JADE3: variants seen among roughly 807,000 people sequenced by gnomAD.
JADE3 encodes protein Jade-3.
In JADE3, 2 loss-of-function variants were observed where a neutral mutation model predicts 50.1. The ratio of observed to expected loss-of-function variants is 0.04; its 90% CI spans 0.02 to 0.13. The LOEUF (loss-of-function observed/expected upper bound fraction) is 0.13, where lower values mean the gene tolerates loss of function less well. Ranked by LOEUF, JADE3 falls within the 10% of genes least tolerant of loss-of-function variation. The pLI is 1.00. For missense variants in JADE3, 475 were observed against 634.4 expected (o/e 0.75, Z 2.70); for synonymous variants, 218 against 232.9 (o/e 0.94, Z 0.58).
At chrX:46,948,279 C>T (rs980290542) in intron 1 of JADE3, among the ~76,000 whole-genome samples, 2 of 111,593 alleles carry the variant, frequency 1.8e-5, no homozygotes, top group Non-Finnish European at 3.8e-5. Context: ...GGAAGGAGCA[C>T]GCAAAGGAAT....
intron 1 of JADE3, among the ~76,000 whole-genome samples, chrX:46,981,962 G>A (rs1159504155): frequency 1.8e-5 from 2 of 111,128 alleles, no homozygotes; most frequent in African/African-American, 6.5e-5. Flanking sequence ...TCTCTTTCTG[G>A]ATCTCTTTGC....
chrX:47,011,467 T>A (rs782460420), intron 4 of JADE3, among the ~76,000 whole-genome samples: 44 of 112,181 alleles, frequency 3.9e-4, no homozygotes, highest in East Asian at 2.0e-3. Flanking sequence ...AGTTTTTTTT[T>A]AAATTTTAAT....
At chrX:46,932,204 T>C (rs1484666740) in intron 1 of JADE3, among the ~76,000 whole-genome samples, 2 of 112,150 alleles carry the variant, frequency 1.8e-5, no homozygotes, top group Non-Finnish European at 3.8e-5. Context: ...TACTGGAGCA[T>C]TGGCTGACGG....
chrX:46,931,421 AT>A lies in JADE3; in HGVS notation c.-12+18715del, dbSNP rs536946449. On this transcript the variant is annotated intron_variant, in intron 1 of 10. Transcript: ENST00000614628. Reference sequence around the variant, plus strand: ...AAAGGGTAAATTAGAGTATATGTAAATTTTTTTTTTTTTATTTGAGACAGAG... The same window carrying A: ...AAAGGGTAAATTAGAGTATATGTAAATTTTTTTTTTTTATTTGAGACAGAG... Among the ~76,000 whole-genome samples the A allele has an allele frequency of 1.9e-3, 195 of 105,388 alleles. 1 individual carries two copies. Among genetic ancestry groups the A allele is most frequent in the African/African-American group, 5.2e-3 (152 of 29,303 alleles). The allele number at this position is 105,388 out of a possible 115,157, so 91.5% of individuals were successfully genotyped here.
Position 47,059,267 on chromosome X carries a change from T to C in JADE3, c.*190T>C. On this transcript the variant is annotated 3_prime_UTR_variant, in exon 11 of 11. Coordinates refer to ENST00000614628, the MANE Select transcript of JADE3 (RefSeq NM_014735.5). ...GTTTTTACAAGCACATTACAGTAAT[T>C]GCAGGTTGTCCAGAGGTTGGTTTGT... is the stretch of plus-strand genomic sequence containing the variant. The C allele has an allele frequency of 2.5e-6, 1 of 404,317 alleles. No individual in the cohort carries two copies. Among genetic ancestry groups the C allele is most frequent in the Non-Finnish European group, 4.2e-6 (1 of 238,639 alleles). 33.3% of individuals were successfully genotyped at this position (404,317 alleles called of 1,213,427 possible).
At position 47,038,981 on chromosome X, in the gene JADE3, G is replaced by A. The variant is rs782497823; in HGVS notation, c.888G>A (p.Pro296=). Reference sequence around the variant, plus strand: ...TTGCTTGTCCTGAGAGGATGGAACCGATCACGAAGATCTCCCACATCCCAC... The same window carrying A: ...TTGCTTGTCCTGAGAGGATGGAACCAATCACGAAGATCTCCCACATCCCAC... ...VSIACPERME[P]ITKISHIPPS... is the part of the protein sequence containing the mutation. Residue 296 remains proline (P), a synonymous_variant, in exon 8 of 11, where the codon CCG becomes CCA. Coordinates refer to ENST00000614628, the MANE Select transcript of JADE3 (RefSeq NM_014735.5). The A allele has an allele frequency of 8.4e-6, 10 of 1,195,600 alleles. No individual in the cohort carries two copies. The highest frequency in any genetic ancestry group is 6.6e-5 in the Admixed American group (3 of 45,386).
intron 8 of JADE3, among the ~76,000 whole-genome samples, chrX:47,040,754 T>C (rs1035359213): frequency 1.8e-5 from 2 of 111,239 alleles, no homozygotes; most frequent in African/African-American, 3.3e-5. Flanking sequence ...CTCTAGGTGC[T>C]TTGTGACATT....
rs782635111 is a variant in JADE3 at position 47,023,537 on chromosome X, A to T, written c.285-1187A>T. Among the ~76,000 whole-genome samples the T allele has an allele frequency of 5.6e-4, 63 of 111,680 alleles. No homozygotes were observed. In the Admixed American group the frequency reaches 6.0e-3, roughly 11 times the overall value. ...ATTGATGGGCATTTAGGTTAATTCC[A>T]TGTCTTTGCTAGATATTATTTTTAT... On this transcript the variant is annotated intron_variant, in intron 4 of 10. Coordinates refer to ENST00000614628, the MANE Select transcript of JADE3 (RefSeq NM_014735.5).
At chrX:46,972,009 A>AT (rs782674515) in intron 1 of JADE3, among the ~76,000 whole-genome samples, 4 of 109,968 alleles carry the variant, frequency 3.6e-5, no homozygotes, top group Admixed American at 9.8e-5. Context: ...TTCAGTAAAC[A>AT]TTTTTTTTAG....
chrX:46,996,776 C>T (rs1928138334), intron 3 of JADE3, among the ~76,000 whole-genome samples: 1 of 112,210 alleles, frequency 8.9e-6, no homozygotes, highest in African/African-American at 3.2e-5. Context: ...ATGATATCTT[C>T]ACCTGAAGAT....
At chrX:46,985,439 T>C (rs1445069337) in intron 2 of JADE3, among the ~76,000 whole-genome samples, 1 of 112,300 alleles carries the variant, frequency 8.9e-6, no homozygotes, top group Admixed American at 9.4e-5. Flanking sequence ...ATTGTGTTAT[T>C]GCAGAACATT....
intron 8 of JADE3, among the ~76,000 whole-genome samples, chrX:47,045,766 A>G (rs1276971046): frequency 9.0e-6 from 1 of 111,553 alleles, no homozygotes; most frequent in Non-Finnish European, 1.9e-5. Flanking sequence ...AAACACTTAG[A>G]AATTAAACAA....
At chrX:46,928,694 C>T (rs782798864) in intron 1 of JADE3, among the ~76,000 whole-genome samples, 1 of 112,082 alleles carries the variant, frequency 8.9e-6, no homozygotes, top group Non-Finnish European at 1.9e-5. Flanking sequence ...AGCAATTGTT[C>T]TACCTCAGCT....
chrX:46,971,794 T>TA lies in JADE3; in HGVS notation c.-11-13074dup, dbSNP rs782105404. ...CTGGGCGACAGAGCGAGACTCCGTC[T>TA]AAAAAAAAAAAAAAAAGACATAAAG... On this transcript the variant is annotated intron_variant, in intron 1 of 10. Coordinates refer to ENST00000614628, the MANE Select transcript of JADE3 (RefSeq NM_014735.5). 4.8e-3 allele frequency among the ~76,000 whole-genome samples: 408 copies of TA among 85,499 alleles called. 1 individual carries two copies. Among genetic ancestry groups the TA allele is most frequent in the African/African-American group, 0.013 (303 of 23,108 alleles). The allele number at this position is 85,499 out of a possible 115,157, so 74.2% of individuals were successfully genotyped here.
chrX:46,991,118 C>T (rs1336533645), intron 3 of JADE3, among the ~76,000 whole-genome samples: 2 of 85,134 alleles, frequency 2.3e-5, no homozygotes, highest in Non-Finnish European at 4.4e-5. Flanking sequence ...GAGTTTCACT[C>T]TTGTTGCCCA....
intron 1 of JADE3, among the ~76,000 whole-genome samples, chrX:46,975,280 C>T: frequency 8.9e-6 from 1 of 112,196 alleles, no homozygotes; most frequent in Non-Finnish European, 1.9e-5. Context: ...TTGGGAGTGA[C>T]ATGGGAACAG....
rs1929743970 is a variant in JADE3, at chrX:47,060,362, TTC to T, written c.*1289_*1290del. 1 of 111,862 alleles carries T rather than the reference TTC, an allele frequency of 8.9e-6. No individual in the cohort carries two copies. The highest frequency in any genetic ancestry group is 3.8e-4 in the South Asian group (1 of 2,659). The allele number at this position is 111,862 out of a possible 1,213,427, so 9.2% of individuals were successfully genotyped here. A position where few individuals can be genotyped will look rare whatever the true frequency, so the allele number is the denominator to read the frequency against. On this transcript the variant is annotated 3_prime_UTR_variant, in exon 11 of 11. Transcript: ENST00000614628. ...TTTTCTTCTTAGCCTTAAATTAATA[TTC>T]TCTTTCTTCTAGTTTTGGAAAGTGT...
chrX:47,031,668 T>G (rs781852100), intron 6 of JADE3, among the ~76,000 whole-genome samples: 1 of 109,868 alleles, frequency 9.1e-6, no homozygotes, highest in East Asian at 2.9e-4. Context: ...GAGCCCAGGA[T>G]TTTGAGAGTA....
rs1257358347 is a variant in JADE3 at position 47,061,180 on chromosome X, T to C, written c.*2103T>C. ...TATAGTCCAGTTTTCCAAGATAAGC[T>C]CAGTCCTTTTTCAAATGTCCCCTTT... is the stretch of plus-strand genomic sequence containing the variant. On this transcript the variant is annotated 3_prime_UTR_variant, in exon 11 of 11. Coordinates refer to ENST00000614628, the MANE Select transcript of JADE3 (RefSeq NM_014735.5). 1.8e-5 allele frequency: 2 copies of C among 111,923 alleles called. No homozygotes were observed. Among genetic ancestry groups the C allele is most frequent in the African/African-American group, 6.5e-5 (2 of 30,752 alleles). 9.2% of individuals were successfully genotyped at this position (111,923 alleles called of 1,213,427 possible).
Sources: gnomAD v4.1 joint callset for allele counts (sites outside exome capture counted in the v4.1 genomes callset) on GRCh38, gnomAD v4.1.1 for gene constraint, MANE v1.5 for transcripts, NCBI Gene and HGNC (gene_info 2026-07-23, HGNC 2026-07-21) for gene names.